The following KIAA1217 variants were observed in gnomAD, a reference collection of about 807,000 sequenced individuals.
KIAA1217 encodes the protein KIAA1217, also known as sickle tail protein homolog.
A neutral mutation model predicts 163.9 loss-of-function variants in KIAA1217; 88 were observed. That is an observed-to-expected ratio of 0.54 (90% CI 0.45 to 0.64). KIAA1217 has a LOEUF of 0.64. KIAA1217 is among the 30% of genes least tolerant of loss of function. The pLI is 0.00. For missense variants in KIAA1217, 2,372 were observed against 2,475.0 expected (o/e 0.96, Z 0.88); for synonymous variants, 903 against 923.1 (o/e 0.98, Z 0.39).
intron 6 of KIAA1217, among the ~76,000 whole-genome samples, chr10:24,483,810 A>G (rs1053295279): frequency 2.6e-5 from 4 of 152,210 alleles, no homozygotes; most frequent in African/African-American, 9.6e-5. Context: ...AATGTTCCAG[A>G]TTAGCCTCAG....
chr10:24,075,992 A>G (rs2061357551), intron 2 of KIAA1217, among the ~76,000 whole-genome samples: 1 of 152,060 alleles, frequency 6.6e-6, no homozygotes, highest in African/African-American at 2.4e-5. Context: ...CTAAACTGTA[A>G]CAGAAGCCTG....
intron 2 of KIAA1217, among the ~76,000 whole-genome samples, chr10:24,173,599 A>G (rs1296962610): frequency 6.6e-6 from 1 of 152,104 alleles, no homozygotes; most frequent in Non-Finnish European, 1.5e-5. Context: ...TTCTAAAGAG[A>G]TCATCTGGTT....
At chr10:23,959,856 A>T (rs1844743873) in intron 1 of KIAA1217, among the ~76,000 whole-genome samples, 1 of 151,144 alleles carries the variant, frequency 6.6e-6, no homozygotes, top group East Asian at 1.9e-4. Flanking sequence ...TATAGGGAGA[A>T]TATCTCTGGA....
At position 24,159,380 on chromosome 10, in the gene KIAA1217, A is replaced by T. The variant is rs557925086; in HGVS notation, c.-170-60246A>T. On this transcript the variant is annotated intron_variant, in intron 2 of 18. Coordinates refer to the KIAA1217 transcript ENST00000376462. ...TATAAAATGGGACACTTTGCACAAC[A>T]GTTTGGTAGTTTCTTAAAAACTTAA... Among the ~76,000 whole-genome samples the T allele has an allele frequency of 3.9e-5, 6 of 152,328 alleles. No homozygotes were observed. In the South Asian group the frequency reaches 1.2e-3, roughly 32 times the overall value.
intron 1 of KIAA1217, among the ~76,000 whole-genome samples, chr10:23,770,564 G>C (rs1194632046): frequency 6.6e-6 from 1 of 152,170 alleles, no homozygotes; most frequent in Non-Finnish European, 1.5e-5. Flanking sequence ...TGGCCCCTGA[G>C]GATGGAGAAG....
rs1162541354 is a variant in KIAA1217 at position 24,545,844 on chromosome 10, GA to G, written c.5355del (p.Lys1785AsnfsTer78). On this transcript the variant is annotated frameshift_variant, in exon 21 of 21. Transcript: ENST00000376454. LOFTEE classifies it high-confidence loss of function. ...QYRQANGSAK[K>X]SGGDFKPTSP... ...ATTTGCAGGCTAATGGAAGTGCTAA[GA>G]AATCTGGTGGGGACTTTAAGCCTAC... 6.3e-7 allele frequency: 1 copy of G among 1,595,052 alleles called. No individual in the cohort carries two copies. Among genetic ancestry groups the G allele is most frequent in the Non-Finnish European group, 8.5e-7 (1 of 1,172,338 alleles).
intron 2 of KIAA1217, among the ~76,000 whole-genome samples, chr10:24,337,650 CTTTTT>C (rs747582449): frequency 9.8e-5 from 4 of 40,886 alleles, no homozygotes; most frequent in African/African-American, 1.9e-4. Flanking sequence ...CTTTTCTTTT[CTTTTT>C]TTTTTTTGAG....
intron 3 of KIAA1217, among the ~76,000 whole-genome samples, chr10:24,397,585 T>C (rs1363257518): frequency 1.3e-5 from 2 of 152,126 alleles, no homozygotes; most frequent in African/African-American, 4.8e-5. Flanking sequence ...ACAAAGATCT[T>C]ATCTGGATAA....
chr10:23,724,376 T>C (rs949755148), intron 1 of KIAA1217, among the ~76,000 whole-genome samples: 1 of 152,362 alleles, frequency 6.6e-6, no homozygotes, highest in East Asian at 1.9e-4. Flanking sequence ...TATTTCTGTA[T>C]ATATTTTTCA....
At position 24,074,461 on chromosome 10, in the gene KIAA1217, C is replaced by T. The variant is rs117046618; in HGVS notation, c.-171+67087C>T. ...TTCTGTCCATATTAACCTCTATTAC[C>T]CCCTTCCTCTCTGATTCTTTCCCTT... On this transcript the variant is annotated intron_variant, in intron 2 of 18. Coordinates refer to the KIAA1217 transcript ENST00000376462. Among the ~76,000 whole-genome samples, 1,489 of 152,164 alleles carry T rather than the reference C, an allele frequency of 9.8e-3. 12 individuals are homozygous for T. The highest frequency in any genetic ancestry group is 0.016 in the Non-Finnish European group (1,114 of 67,994).
intron 2 of KIAA1217, among the ~76,000 whole-genome samples, chr10:24,071,950 T>A (rs1161788316): frequency 6.6e-6 from 1 of 152,198 alleles, no homozygotes; most frequent in African/African-American, 2.4e-5. Flanking sequence ...GTGTACAGAA[T>A]CCTGGTTAGG....
intron 2 of KIAA1217, among the ~76,000 whole-genome samples, chr10:24,170,513 G>GT (rs1392321899): frequency 6.6e-6 from 1 of 152,112 alleles, no homozygotes; most frequent in Non-Finnish European, 1.5e-5. Flanking sequence ...TCTGAGGGGA[G>GT]GCTCTTTGAC....
intron 2 of KIAA1217, among the ~76,000 whole-genome samples, chr10:24,100,274 T>A (rs1004004059): frequency 2.0e-5 from 3 of 152,102 alleles, no homozygotes; most frequent in African/African-American, 7.2e-5. Context: ...AGGTTGCACA[T>A]CTGTTTCATT....
chr10:24,275,309 C>A (rs952861658), intron 2 of KIAA1217, among the ~76,000 whole-genome samples: 1 of 152,134 alleles, frequency 6.6e-6, no homozygotes, highest in Non-Finnish European at 1.5e-5. Flanking sequence ...TGAAGTCACT[C>A]ACACACACAT....
At chr10:24,522,022 C>A in intron 12 of KIAA1217, 93 bp downstream of exon 12, 2 of 1,394,402 alleles carry the variant, frequency 1.4e-6, no homozygotes, top group Non-Finnish European at 1.9e-6. Context: ...TTCCACCATG[C>A]TCCCAGGACA....
intron 2 of KIAA1217, among the ~76,000 whole-genome samples, chr10:24,297,769 T>A (rs1590722051): frequency 1.3e-5 from 2 of 151,802 alleles, no homozygotes; most frequent in East Asian, 1.9e-4. Context: ...AAATAAAAAA[T>A]TTAAAAATTT....
At chr10:23,804,610 G>C (rs1240882943) in intron 1 of KIAA1217, among the ~76,000 whole-genome samples, 1 of 152,132 alleles carries the variant, frequency 6.6e-6, no homozygotes, top group Non-Finnish European at 1.5e-5. Context: ...CTAGACTTTT[G>C]TCTGAATTAC....
At chr10:24,212,752 T>C (rs1335455851) in intron 1 of KIAA1217, among the ~76,000 whole-genome samples, 1 of 152,180 alleles carries the variant, frequency 6.6e-6, no homozygotes, top group African/African-American at 2.4e-5. Flanking sequence ...TCTGCCTGTG[T>C]ATCTGTTTTA....
chr10:24,156,423 A>G (rs1224826213), intron 2 of KIAA1217, among the ~76,000 whole-genome samples: 1 of 152,214 alleles, frequency 6.6e-6, no homozygotes, highest in African/African-American at 2.4e-5. Flanking sequence ...TAAATCCAAT[A>G]TGAACATTCA....
Sources: gnomAD v4.1 joint callset for allele counts (sites outside exome capture counted in the v4.1 genomes callset) on GRCh38, gnomAD v4.1.1 for gene constraint, MANE v1.5 for transcripts, NCBI Gene and HGNC (gene_info 2026-07-23, HGNC 2026-07-21) for gene names.